ABL1: variants seen among roughly 807,000 people sequenced by gnomAD.
ABL1 encodes tyrosine-protein kinase ABL1.
ABL1 carries 11 observed loss-of-function variants against 94.7 expected under a neutral mutation model. The observed-to-expected ratio is 0.12, with a 90% CI of 0.07 to 0.19. ABL1 has a LOEUF of 0.19. ABL1 is among the 10% of genes least tolerant of loss of function. ABL1 has a pLI of 1.00. For missense variants in ABL1, 1,082 were observed against 1,489.4 expected (o/e 0.73, Z 4.50); for synonymous variants, 656 against 622.4 (o/e 1.05, Z -0.80).
intron 1 of ABL1, chr9:130,724,760 A>AAAAG: frequency 2.2e-6 from 1 of 451,192 alleles, no homozygotes; most frequent in East Asian, 5.7e-5. Flanking sequence ...AAAAAAAAAA[A>AAAAG]AAAAAAAAAA....
Position 130,863,033 on chromosome 9 carries a change from A to AAGGT in ABL1, c.822+2_822+5dup. The AAGGT allele has an allele frequency of 6.3e-7, 1 of 1,598,130 alleles. No individual in the cohort carries two copies. Among genetic ancestry groups the AAGGT allele is most frequent in the Non-Finnish European group, 8.6e-7 (1 of 1,169,418 alleles). On this transcript the variant is annotated frameshift_variant and splice_region_variant, in exon 4 of 11. Coordinates refer to ENST00000318560, the MANE Select transcript of ABL1 (RefSeq NM_005157.6). LOFTEE classifies it high-confidence loss of function. The surrounding 1 kb of genome is among the most constrained non-coding windows in gnomAD (Gnocchi z 4.3). The stretch of plus-strand genomic sequence containing the variant: ...CCTGACGGTGGCCGTGAAGACCTTG[A>AAGGT]AGGTAGGCTGGGACTGCCGGGGGTG...
chr9:130,755,192 T>C (rs1182368942), intron 1 of ABL1, among the ~76,000 whole-genome samples: 2 of 152,174 alleles, frequency 1.3e-5, no homozygotes, highest in East Asian at 3.8e-4. Flanking sequence ...TTCTGTAATC[T>C]GAATTTAGGT....
intron 1 of ABL1, among the ~76,000 whole-genome samples, chr9:130,754,976 A>C (rs1011710961): frequency 1.3e-5 from 2 of 152,164 alleles, no homozygotes; most frequent in African/African-American, 4.8e-5. Context: ...GGCTTCCTCA[A>C]AGATGACCTT....
chr9:130,721,817 T>G (rs1184895711), intron 1 of ABL1, among the ~76,000 whole-genome samples: 1 of 128,398 alleles, frequency 7.8e-6, no homozygotes, highest in African/African-American at 2.9e-5. Flanking sequence ...GTCAGGTTTT[T>G]TTTTGTTTTT....
chr9:130,856,724 C>T (rs574426523), intron 3 of ABL1, among the ~76,000 whole-genome samples: 10 of 152,250 alleles, frequency 6.6e-5, no homozygotes, highest in East Asian at 1.9e-4. Context: ...CAAAAAGGCA[C>T]GCAAATGATA....
intron 1 of ABL1, among the ~76,000 whole-genome samples, chr9:130,746,592 T>A (rs1831891335): frequency 6.6e-6 from 1 of 151,470 alleles, no homozygotes; most frequent in Admixed American, 6.6e-5. Context: ...TCCATCTAAA[T>A]GTTGCATGTG....
chr9:130,862,736 C>T lies in ABL1; in HGVS notation c.550-27C>T, dbSNP rs762449425. ...CTTTGAGCTTGCCTGTCTCTGTGGG[C>T]TGAAGGCTGTTCCCTGTTTCCTTCA... On this transcript the variant is annotated intron_variant, in intron 3 of 10. Coordinates refer to ENST00000318560, the MANE Select transcript of ABL1 (RefSeq NM_005157.6). The surrounding 1 kb of genome is among the most constrained non-coding windows in gnomAD (Gnocchi z 5.5). The T allele has an allele frequency of 8.1e-6, 13 of 1,605,904 alleles. No individual in the cohort carries two copies. The highest frequency in any genetic ancestry group is 1.1e-5 in the Non-Finnish European group (13 of 1,176,272).
intron 3 of ABL1, among the ~76,000 whole-genome samples, chr9:130,861,974 A>G (rs1392435154): frequency 6.6e-6 from 1 of 152,218 alleles, no homozygotes; most frequent in Admixed American, 6.5e-5. Context: ...CTCTACATGC[A>G]GGGTTTGACC....
chr9:130,826,276 A>T (rs1025213120), intron 1 of ABL1, among the ~76,000 whole-genome samples: 1 of 151,572 alleles, frequency 6.6e-6, no homozygotes, highest in Non-Finnish European at 1.5e-5. Context: ...ACACACCACC[A>T]CGCCCAGCAA....
chr9:130,822,267 C>T (rs373002355), intron 1 of ABL1, among the ~76,000 whole-genome samples: 6 of 152,130 alleles, frequency 3.9e-5, no homozygotes, highest in Admixed American at 6.6e-5. Flanking sequence ...CCACCACGAC[C>T]GGTCAAATTG....
At chr9:130,772,415 A>G (rs867043913) in intron 1 of ABL1, among the ~76,000 whole-genome samples, 107 of 152,372 alleles carry the variant, frequency 7.0e-4, no homozygotes, top group African/African-American at 2.5e-3. Context: ...CAGGAATTGA[A>G]TAGAGAAGAT....
chr9:130,767,778 C>T (rs781668975), intron 1 of ABL1, among the ~76,000 whole-genome samples: 25 of 152,184 alleles, frequency 1.6e-4, no homozygotes, highest in Non-Finnish European at 3.1e-4. Context: ...CTCACACACA[C>T]GTACACACAC....
chr9:130,878,942 A>G (rs922747110), intron 8 of ABL1, among the ~76,000 whole-genome samples: 7 of 150,706 alleles, frequency 4.6e-5, no homozygotes, highest in African/African-American at 7.4e-5. Flanking sequence ...CAATGGCGCA[A>G]TGTTGGCTCA....
At chr9:130,827,681 G>A (rs752902514) in intron 1 of ABL1, among the ~76,000 whole-genome samples, 1 of 152,018 alleles carries the variant, frequency 6.6e-6, no homozygotes, top group Admixed American at 6.6e-5. Flanking sequence ...GTTCACCTGC[G>A]GTCAGGAGTT....
intron 1 of ABL1, among the ~76,000 whole-genome samples, chr9:130,787,594 G>C (rs1304177579): frequency 6.6e-6 from 1 of 151,950 alleles, no homozygotes; most frequent in Non-Finnish European, 1.5e-5. Flanking sequence ...GAGGGGCTCA[G>C]GAAGGAGGCA....
At chr9:130,810,972 A>G (rs1413407221) in intron 1 of ABL1, among the ~76,000 whole-genome samples, 1 of 152,234 alleles carries the variant, frequency 6.6e-6, no homozygotes, top group Non-Finnish European at 1.5e-5. Context: ...CTCATTGGAA[A>G]CAATGTAAGC....
rs182907093 is a variant in ABL1, at chr9:130,815,193, G to A, written c.137-38871G>A. Among the ~76,000 whole-genome samples, 54 of 152,062 alleles carry A rather than the reference G, an allele frequency of 3.6e-4. No individual in the cohort carries two copies. In the East Asian group the frequency reaches 9.0e-3, roughly 25 times the overall value. Reference sequence around the variant, plus strand: ...TACTAAAAGTACAAAAATTAGTCAGGCGTGATAGCACACGCCTGTAATCCC... The same window carrying A: ...TACTAAAAGTACAAAAATTAGTCAGACGTGATAGCACACGCCTGTAATCCC... On this transcript the variant is annotated intron_variant, in intron 1 of 10. Transcript: ENST00000372348.
intron 1 of ABL1, among the ~76,000 whole-genome samples, chr9:130,817,009 C>T (rs1830296277): frequency 6.6e-6 from 1 of 152,140 alleles, no homozygotes; most frequent in South Asian, 2.1e-4. Context: ...TGGTCTCCCT[C>T]ATTCCTTTTG....
chr9:130,747,334 C>A (rs1224947030), intron 1 of ABL1, among the ~76,000 whole-genome samples: 4 of 152,052 alleles, frequency 2.6e-5, no homozygotes, highest in Non-Finnish European at 5.9e-5. Context: ...GCCAAGATTG[C>A]ACCACTGTGC....
Sources: allele counts gnomAD v4.1 joint callset (sites outside exome capture counted in the v4.1 genomes callset), GRCh38; gene constraint gnomAD v4.1.1; non-coding constraint Gnocchi (gnomAD v3.1); transcripts MANE v1.5; gene names NCBI Gene and HGNC (gene_info 2026-07-23, HGNC 2026-07-21).